The following SP7 variants were observed in gnomAD, a reference collection of about 807,000 sequenced individuals.
The protein encoded by SP7 is Sp7 transcription factor.
Under a neutral mutation model 27.9 loss-of-function variants are expected in SP7, and 13 were observed. That is an observed-to-expected ratio of 0.47 (90% CI 0.30 to 0.74). The LOEUF is 0.74. Ranked by LOEUF, SP7 falls within the 30% of genes least tolerant of loss-of-function variation. The pLI is 0.06. For synonymous variants in SP7, 219 were observed against 226.7 expected (o/e 0.97, Z 0.31); for missense variants, 525 against 558.0 (o/e 0.94, Z 0.60).
chr12:53,326,725 A>T lies in SP7; in HGVS notation c.*1421T>A, dbSNP rs1041568263. The T allele has an allele frequency of 9.2e-5, 14 of 152,550 alleles. No homozygotes were observed. Among genetic ancestry groups the T allele is most frequent in the Admixed American group, 4.6e-4 (7 of 15,278 alleles). The allele number at this position is 152,550 out of a possible 1,614,324, so 9.4% of individuals were successfully genotyped here. On this transcript the variant is annotated 3_prime_UTR_variant, in exon 3 of 3. Transcript: ENST00000536324. ...AGACAGCAGGGGACAGAAAAGGAGG[A>T]TCCAACGTTACAGGAAAGGCACGAA...
chr12:53,340,518 C>T (rs947802793), upstream of SP7, among the ~76,000 whole-genome samples: 14 of 152,220 alleles, frequency 9.2e-5, no homozygotes, highest in African/African-American at 2.4e-4. Context: ...CAGCGAACTC[C>T]CTGGTCCTGG....
upstream of SP7, among the ~76,000 whole-genome samples, chr12:53,336,589 A>T (rs1165439765): frequency 2.0e-5 from 3 of 152,080 alleles, no homozygotes; most frequent in Non-Finnish European, 4.4e-5. Context: ...TCATGAATGA[A>T]CACAGACGGA....
Position 53,328,744 on chromosome 12 carries a change from G to C in SP7, c.698C>G (p.Ala233Gly). The change falls in exon 3 of 3, where the codon GCA becomes GGA. Residue 233 changes from alanine to glycine, a missense_variant. Physicochemically the swap from Ala to Gly is moderately conservative, Grantham distance 60 (BLOSUM62 0). Coordinates refer to ENST00000536324, the MANE Select transcript of SP7 (RefSeq NM_001173467.3). This position sits in a 1 kb window ranked among gnomAD's most constrained non-coding sequence, Gnocchi z 5.1. ...TTCTAGCTGCCCACTATTTCCCACTGCCTTGGGTTTATAGACATCTTGGGG... is the reference window on the plus strand; with the variant it reads ...TTCTAGCTGCCCACTATTTCCCACTCCCTTGGGTTTATAGACATCTTGGGG... ...VLPQDVYKPK[A>G]VGNSGQLEGS... The C allele has an allele frequency of 1.2e-6, 2 of 1,606,882 alleles. No individual in the cohort carries two copies. The highest frequency in any genetic ancestry group is 1.7e-6 in the Non-Finnish European group (2 of 1,174,748).
chr12:53,331,652 G>A (rs774084981), intron 2 of SP7, among the ~76,000 whole-genome samples: 2 of 151,944 alleles, frequency 1.3e-5, no homozygotes, highest in African/African-American at 2.4e-5. Flanking sequence ...TGGCATAGAC[G>A]GTCATTCATT....
At chr12:53,343,816 G>A (rs535753782) in intron 1 of SP7, among the ~76,000 whole-genome samples, 2 of 152,162 alleles carry the variant, frequency 1.3e-5, no homozygotes, top group Admixed American at 6.5e-5. Context: ...AGGCCAAGGC[G>A]GGCAGATCAC....
intron 2 of SP7, among the ~76,000 whole-genome samples, chr12:53,331,982 G>T (rs938082879): frequency 6.6e-6 from 1 of 152,170 alleles, no homozygotes. Flanking sequence ...CTGCACAGTT[G>T]CCTCTCTCTA....
chr12:53,327,659 G>T lies in SP7; in HGVS notation c.*487C>A, dbSNP rs776868259. ...TACCCCTGATGAAGAGGCCACCAGG[G>T]GGCAATAAATTATCATTATCATTGT... On this transcript the variant is annotated 3_prime_UTR_variant, in exon 3 of 3. Transcript: ENST00000536324. 72 of 157,982 alleles carry T rather than the reference G, an allele frequency of 4.6e-4. No individual in the cohort carries two copies. Among genetic ancestry groups the T allele is most frequent in the Non-Finnish European group, 9.1e-4 (65 of 71,278 alleles). The allele number at this position is 157,982 out of a possible 1,614,324, so 9.8% of individuals were successfully genotyped here.
At chr12:53,338,756 T>C (rs539756986), upstream of SP7, among the ~76,000 whole-genome samples, 1 of 152,218 alleles carries the variant, frequency 6.6e-6, no homozygotes, top group South Asian at 2.1e-4. Context: ...TGTGTCAACA[T>C]AGGACACCCT....
At chr12:53,336,451 G>C (rs913408680), upstream of SP7, 1 of 153,556 alleles carries the variant, frequency 6.5e-6, no homozygotes, top group Non-Finnish European at 1.4e-5. Context: ...TCCAGGGGGG[G>C]GATGGGGGGT....
rs977119400 is a variant in SP7, at chr12:53,344,451, C to CT, written c.-34+662dup. Reference sequence around the variant, plus strand: ...AACCCGCTGTAAGTTATAAGCCTACCTAGGCCCACTTTCCACCGCCTCAGT... The same window carrying CT: ...AACCCGCTGTAAGTTATAAGCCTACCTTAGGCCCACTTTCCACCGCCTCAGT... On this transcript the variant is annotated intron_variant, in intron 1 of 1. Transcript: ENST00000547755. The surrounding 1 kb of genome is among the most constrained non-coding windows in gnomAD (Gnocchi z 4.6). Among the ~76,000 whole-genome samples, 3 of 152,142 alleles carry CT rather than the reference C, an allele frequency of 2.0e-5. No individual in the cohort carries two copies. The highest frequency in any genetic ancestry group is 4.8e-5 in the African/African-American group (2 of 41,436).
At chr12:53,335,558 G>A (rs148224118) in intron 2 of SP7, 68 bp downstream of exon 2, 20 of 806,554 alleles carry the variant, frequency 2.5e-5, no homozygotes, top group Middle Eastern at 2.3e-4. Flanking sequence ...GTTGGAGGAG[G>A]TGGGTGGGCA....
chr12:53,336,214 A>G lies in SP7; in HGVS notation c.-116T>C, dbSNP rs951073125. The G allele has an allele frequency of 6.2e-6, 1 of 161,952 alleles. No individual in the cohort carries two copies. Among genetic ancestry groups the G allele is most frequent in the Non-Finnish European group, 1.4e-5 (1 of 73,114 alleles). The allele number at this position is 161,952 out of a possible 1,614,324, so 10.0% of individuals were successfully genotyped here. On this transcript the variant is annotated 5_prime_UTR_variant, in exon 1 of 3. Coordinates refer to ENST00000536324, the MANE Select transcript of SP7 (RefSeq NM_001173467.3). ...GAGGTCTGGCAGGGAGAGTGCAGGC[A>G]ACGGGTGGCCTGAGGGTGCTGGGAG...
At position 53,330,160 on chromosome 12, in the gene SP7, T is replaced by A. The variant is rs913808502; in HGVS notation, c.22-740A>T. On this transcript the variant is annotated intron_variant, in intron 2 of 2. Transcript: ENST00000536324. ...GCCTCCCAGGTTCAAGCAATTCTCC[T>A]GCCTCAGCCTCCCACATAGCTGGGA... 5.9e-5 allele frequency among the ~76,000 whole-genome samples: 9 copies of A among 152,308 alleles called. No individual in the cohort carries two copies. The East Asian group carries it at 1.7e-3, about 29-fold the overall frequency.
At chr12:53,335,850 A>C in intron 1 of SP7, 157 bp from the exon 2 acceptor site, 1 of 1,411,116 alleles carries the variant, frequency 7.1e-7, no homozygotes. Context: ...CCCAGCGGAG[A>C]AGGCTCCAGA....
At chr12:53,329,532 G>A in intron 2 of SP7, 112 bp from the exon 3 acceptor site, 1 of 918,126 alleles carries the variant, frequency 1.1e-6, no homozygotes, top group Non-Finnish European at 1.7e-6. Flanking sequence ...GAGGGGTCAG[G>A]GAAGAGTTGA....
chr12:53,328,897 A>G lies in SP7; in HGVS notation c.545T>C (p.Leu182Pro). Residue 182 changes from leucine to proline, a missense_variant, in exon 3 of 3, where the codon CTG (leucine) becomes CCG (proline). By Grantham distance (98) the Leu-to-Pro change is moderately conservative (BLOSUM62 -3). Transcript: ENST00000536324. The surrounding 1 kb of genome is among the most constrained non-coding windows in gnomAD (Gnocchi z 5.1). ...TGGAGGCTGAGCTGGACCTGTGGGC[A>G]GTGTCCCTTGCAGCCCATCACCCTG... ...QGQGDGLQGT[L>P]PTGPAQPPLN... is the part of the protein sequence containing the mutation. The G allele has an allele frequency of 6.2e-7, 1 of 1,611,862 alleles. No homozygotes were observed. The highest frequency in any genetic ancestry group is 8.5e-7 in the Non-Finnish European group (1 of 1,178,588).
At chr12:53,338,559 CAG>C (rs1484746434), upstream of SP7, among the ~76,000 whole-genome samples, 1 of 152,136 alleles carries the variant, frequency 6.6e-6, no homozygotes, top group Non-Finnish European at 1.5e-5. Context: ...AATGGACAGA[CAG>C]GGCTGGGGAG....
At chr12:53,331,813 C>T (rs900287849) in intron 2 of SP7, among the ~76,000 whole-genome samples, 1 of 152,180 alleles carries the variant, frequency 6.6e-6, no homozygotes, top group Non-Finnish European at 1.5e-5. Flanking sequence ...GAAAAGAACT[C>T]AAGAATCCAG....
upstream of SP7, among the ~76,000 whole-genome samples, chr12:53,339,970 A>C (rs1427898914): frequency 6.6e-6 from 1 of 152,140 alleles, no homozygotes; most frequent in Non-Finnish European, 1.5e-5. Context: ...ATAGAGACTG[A>C]CACATGCCCT....
Sources: gnomAD v4.1 joint callset for allele counts (sites outside exome capture counted in the v4.1 genomes callset) on GRCh38, gnomAD v4.1.1 for gene constraint, Gnocchi (gnomAD v3.1) non-coding constraint, MANE v1.5 for transcripts, NCBI Gene and HGNC (gene_info 2026-07-23, HGNC 2026-07-21) for gene names.